UMAD1: variants seen among roughly 807,000 people sequenced by gnomAD.
UMAD1 encodes UBAP1-MVB12-associated (UMA)-domain containing protein 1.
UMAD1 carries 8 observed loss-of-function variants against 6.1 expected under a neutral mutation model. The observed-to-expected ratio is 1.30, with a 90% CI of 0.76 to 2.35. The LOEUF (loss-of-function observed/expected upper bound fraction) is 2.35. Ranked by LOEUF, UMAD1 falls within the 30% of genes most tolerant of loss-of-function variation. UMAD1 has a pLI of 0.00. For missense variants in UMAD1, 130 were observed against 78.4 expected (o/e 1.66, Z -2.49); for synonymous variants, 56 against 31.4 (o/e 1.78, Z -2.61).
chr7:7,797,767 C>A (rs1296087105), intron 2 of UMAD1, among the ~76,000 whole-genome samples: 3 of 151,698 alleles, frequency 2.0e-5, no homozygotes, highest in Admixed American at 2.0e-4. Flanking sequence ...TGGCTGACTG[C>A]AACCTCTGCC....
intron 3 of UMAD1, among the ~76,000 whole-genome samples, chr7:7,868,943 A>G (rs544753910): frequency 3.3e-5 from 5 of 152,306 alleles, no homozygotes; most frequent in South Asian, 2.1e-4. Context: ...AGCACTTTGT[A>G]TATATAGGTG....
chr7:7,840,189 G>C (rs1783651314), intron 3 of UMAD1, among the ~76,000 whole-genome samples: 1 of 152,110 alleles, frequency 6.6e-6, no homozygotes, highest in Non-Finnish European at 1.5e-5. Context: ...AGGGTTCTGG[G>C]GTTAGTGTAG....
intron 2 of UMAD1, among the ~76,000 whole-genome samples, chr7:7,767,926 C>A (rs1244020934): frequency 6.6e-6 from 1 of 152,182 alleles, no homozygotes; most frequent in Non-Finnish European, 1.5e-5. Flanking sequence ...TAGGAATTAG[C>A]TGTCTTTCAG....
intron 3 of UMAD1, among the ~76,000 whole-genome samples, chr7:7,835,934 A>G (rs1247814075): frequency 6.6e-6 from 1 of 152,032 alleles, no homozygotes; most frequent in East Asian, 1.9e-4. Flanking sequence ...TTTTACATTC[A>G]CTGAAAACAT....
At chr7:7,866,020 C>G (rs1410575742) in intron 3 of UMAD1, among the ~76,000 whole-genome samples, 1 of 152,184 alleles carries the variant, frequency 6.6e-6, no homozygotes, top group Non-Finnish European at 1.5e-5. Flanking sequence ...TAGCTGGAGT[C>G]ACAAACCAGT....
intron 2 of UMAD1, among the ~76,000 whole-genome samples, chr7:7,708,787 CT>C (rs1282941646): frequency 6.6e-6 from 1 of 152,006 alleles, no homozygotes; most frequent in African/African-American, 2.4e-5. Context: ...AATGTTAGGA[CT>C]TTTTTTGCCC....
chr7:7,807,121 A>G (rs1782932677), intron 3 of UMAD1, among the ~76,000 whole-genome samples: 1 of 152,178 alleles, frequency 6.6e-6, no homozygotes, highest in South Asian at 2.1e-4. Flanking sequence ...TATTTGTGGA[A>G]AATTTAGCAA....
Position 7,847,096 on chromosome 7 carries a change from AAAAAAAAAATATATATAT to A in UMAD1, c.157-30183_157-30166del, listed in dbSNP as rs1168060653. Among the ~76,000 whole-genome samples, 13 of 50,038 alleles carry A rather than the reference AAAAAAAAAATATATATAT, an allele frequency of 2.6e-4. 2 individuals carry two copies. Among genetic ancestry groups the A allele is most frequent in the African/African-American group, 1.8e-3 (13 of 7,368 alleles). The allele number at this position is 50,038 out of a possible 152,430, so 32.8% of individuals were successfully genotyped here. A position where few individuals can be genotyped will look rare whatever the true frequency, so the allele number is the denominator to read the frequency against. ...AAAAAAGACAGCAATGCAAAAAAAA[AAAAAAAAAATATATATAT>A]ATATATATATATATATATATATATA... On this transcript the variant is annotated intron_variant, in intron 3 of 3. Transcript: ENST00000682710.
At chr7:7,841,980 A>G (rs1026483783) in intron 3 of UMAD1, among the ~76,000 whole-genome samples, 2 of 152,236 alleles carry the variant, frequency 1.3e-5, no homozygotes, top group East Asian at 3.8e-4. Context: ...CCCTGTATGA[A>G]ACAAAAATAA....
At chr7:7,763,388 A>C (rs1389981848) in intron 2 of UMAD1, among the ~76,000 whole-genome samples, 3 of 152,102 alleles carry the variant, frequency 2.0e-5, no homozygotes, top group Non-Finnish European at 4.4e-5. Flanking sequence ...GTACTCAATA[A>C]GTGGTTCTTC....
At chr7:7,677,759 T>C (rs6962629) in intron 2 of UMAD1, among the ~76,000 whole-genome samples, 130,148 of 143,588 alleles carry the variant, frequency 0.91, 59,007 homozygotes, top group East Asian at 0.97. Context: ...CTGCAAGCTC[T>C]GCCTCCCAGG....
At chr7:7,673,975 CAAAT>C (rs1355623296) in intron 2 of UMAD1, among the ~76,000 whole-genome samples, 1 of 152,148 alleles carries the variant, frequency 6.6e-6, no homozygotes, top group Non-Finnish European at 1.5e-5. Context: ...TTCTTACAAT[CAAAT>C]ACAGTGTTCT....
At chr7:7,823,456 T>C (rs988424564) in intron 3 of UMAD1, among the ~76,000 whole-genome samples, 3 of 152,272 alleles carry the variant, frequency 2.0e-5, no homozygotes, top group Admixed American at 2.0e-4. Context: ...AGCCCTCTTA[T>C]TAACTCAAAG....
rs190113838 is a variant in UMAD1, at chr7:7,688,116, A to C, written c.82+14663A>C. On this transcript the variant is annotated intron_variant, in intron 2 of 3. Coordinates refer to ENST00000682710, the MANE Select transcript of UMAD1 (RefSeq NM_001302348.2). ...GTGGTCTGGAAACTTCTGACACTAC[A>C]TGTAAAATTTTAGGTTTGTATTTTT... Among the ~76,000 whole-genome samples, 29 of 152,356 alleles carry C rather than the reference A, an allele frequency of 1.9e-4. 2 individuals are homozygous for C. In the East Asian group the frequency reaches 5.6e-3, roughly 29 times the overall value.
chr7:7,761,363 T>TAAAAAAAAAAACAAAA (rs1781885928), intron 2 of UMAD1, among the ~76,000 whole-genome samples: 1 of 121,152 alleles, frequency 8.3e-6, no homozygotes, highest in African/African-American at 3.5e-5. Context: ...GAGACCTAAC[T>TAAAAAAAAAAACAAAA]AAAAAAAAAA....
rs991609178 is a variant in UMAD1, at chr7:7,791,675, A to G, written c.83-9995A>G. 3.4e-4 allele frequency among the ~76,000 whole-genome samples: 51 copies of G among 152,218 alleles called. 1 individual carries two copies. Among genetic ancestry groups the G allele is most frequent in the Admixed American group, 3.9e-4 (6 of 15,288 alleles). On this transcript the variant is annotated intron_variant, in intron 2 of 3. Transcript: ENST00000682710. ...AACAAGACTGAGAACTAAGGACATC[A>G]GTGAAGCCCAAGACAAGTTAATTAA...
In UMAD1 at chr7:7,659,405, G is replaced by T. The variant is rs181185279; in HGVS notation, c.-63-13904G>T. On this transcript the variant is annotated intron_variant, in intron 1 of 3. Coordinates refer to ENST00000682710, the MANE Select transcript of UMAD1 (RefSeq NM_001302348.2). ...CTTTTAATTATGACGTTAGGGTGTCGATTTTAGATCTTTCCCACTTTCTCT... is the reference window on the plus strand; with the variant it reads ...CTTTTAATTATGACGTTAGGGTGTCTATTTTAGATCTTTCCCACTTTCTCT... Among the ~76,000 whole-genome samples the T allele has an allele frequency of 1.4e-4, 22 of 152,080 alleles. No individual in the cohort carries two copies. The East Asian group carries it at 4.2e-3, about 29-fold the overall frequency.
intron 1 of UMAD1, among the ~76,000 whole-genome samples, chr7:7,667,670 G>C (rs1345931360): frequency 6.6e-6 from 1 of 152,168 alleles, no homozygotes; most frequent in Non-Finnish European, 1.5e-5. Flanking sequence ...TCACAGCATA[G>C]AGCTGAGCAA....
intron 3 of UMAD1, among the ~76,000 whole-genome samples, chr7:7,846,744 C>T (rs990277856): frequency 1.3e-5 from 2 of 151,716 alleles, no homozygotes; most frequent in African/African-American, 4.8e-5. Flanking sequence ...AATATTTTAA[C>T]ATGGAAGTAT....
Sources: gnomAD v4.1 joint callset for allele counts (sites outside exome capture counted in the v4.1 genomes callset) on GRCh38, gnomAD v4.1.1 for gene constraint, MANE v1.5 for transcripts, NCBI Gene and HGNC (gene_info 2026-07-23, HGNC 2026-07-21) for gene names.